Variants in HACD2 observed in about 807,000 individuals in gnomAD.
HACD2 encodes very-long-chain (3R)-3-hydroxyacyl-CoA dehydratase 2.
Under a neutral mutation model 31.0 loss-of-function variants are expected in HACD2, and 15 were observed. The observed-to-expected ratio is 0.48, with a 90% CI of 0.32 to 0.75. HACD2 has a LOEUF of 0.75. Ranked by LOEUF, HACD2 falls within the 30% of genes least tolerant of loss-of-function variation. The pLI is 0.03. For synonymous variants in HACD2, 115 were observed against 122.2 expected (o/e 0.94, Z 0.39); for missense variants, 283 against 313.0 (o/e 0.90, Z 0.72).
In HACD2 at chr3:123,552,332, G is replaced by A. The variant is rs534150276; in HGVS notation, c.292+15430C>T. 1.1e-4 allele frequency among the ~76,000 whole-genome samples: 17 copies of A among 152,222 alleles called. No homozygotes were observed. In the South Asian group the frequency reaches 3.3e-3, roughly 30 times the overall value. On this transcript the variant is annotated intron_variant, in intron 3 of 6. Transcript: ENST00000383657. ...TGGATAGGGAAAGAGAAAGAGGCAG[G>A]AGGAAATTTAGATTCCTGTAACACA...
intron 4 of HACD2, among the ~76,000 whole-genome samples, chr3:123,506,901 C>G (rs983153254): frequency 3.9e-5 from 6 of 152,118 alleles, no homozygotes; most frequent in Non-Finnish European, 8.8e-5. Context: ...ATAAGAAGTT[C>G]TACTCAGCTG....
chr3:123,497,783 G>A (rs1259104101), intron 6 of HACD2, among the ~76,000 whole-genome samples: 1 of 152,192 alleles, frequency 6.6e-6, no homozygotes, highest in East Asian at 1.9e-4. Flanking sequence ...AACTCCTGGG[G>A]TCAAGCCTCA....
At chr3:123,529,293 G>T (rs981416843) in intron 3 of HACD2, among the ~76,000 whole-genome samples, 1 of 152,102 alleles carries the variant, frequency 6.6e-6, no homozygotes, top group African/African-American at 2.4e-5. Flanking sequence ...GTAGAGATAG[G>T]GCTTCACCAT....
chr3:123,561,659 C>A (rs1355292254), intron 3 of HACD2, among the ~76,000 whole-genome samples: 1 of 152,094 alleles, frequency 6.6e-6, no homozygotes, highest in Non-Finnish European at 1.5e-5. Flanking sequence ...GCCCCCATGC[C>A]TCTTCCACAA....
At chr3:123,501,364 A>C (rs1190795263) in intron 5 of HACD2, among the ~76,000 whole-genome samples, 1 of 152,250 alleles carries the variant, frequency 6.6e-6, no homozygotes, top group Non-Finnish European at 1.5e-5. Flanking sequence ...CATATTCCAC[A>C]AAGAATTCAG....
intron 1 of HACD2, among the ~76,000 whole-genome samples, chr3:123,582,561 T>C (rs1319481776): frequency 1.3e-5 from 2 of 152,054 alleles, no homozygotes; most frequent in African/African-American, 2.4e-5. Flanking sequence ...ACCTCACCCA[T>C]CTGGAGCTCA....
rs375035568 is a variant in HACD2, at chr3:123,493,238, C to T, written c.*1650G>A. 2 of 152,314 alleles carry T rather than the reference C, an allele frequency of 1.3e-5. No homozygotes were observed. The allele number at this position is 152,314 out of a possible 1,614,324, so 9.4% of individuals were successfully genotyped here. On this transcript the variant is annotated 3_prime_UTR_variant, in exon 7 of 7. Coordinates refer to ENST00000383657, the MANE Select transcript of HACD2 (RefSeq NM_198402.5). ...GGGTGTGGTGGCAGGCACCTGTAGT[C>T]CCAGCTACTCAGGAGGCTGAGGCAG...
intron 3 of HACD2, among the ~76,000 whole-genome samples, chr3:123,562,623 T>G (rs6778883): frequency 0.078 from 11,840 of 152,286 alleles, 606 homozygotes; most frequent in Middle Eastern, 0.13. Flanking sequence ...GTGTTCTTCA[T>G]GCATTTTTCC....
intron 3 of HACD2, among the ~76,000 whole-genome samples, chr3:123,539,636 A>G (rs1024131412): frequency 2.6e-5 from 4 of 152,212 alleles, no homozygotes; most frequent in African/African-American, 7.2e-5. Context: ...GGTAAAAACA[A>G]TAATTTAAAA....
At chr3:123,545,751 G>A (rs981981161) in intron 3 of HACD2, among the ~76,000 whole-genome samples, 16 of 146,114 alleles carry the variant, frequency 1.1e-4, no homozygotes, top group African/African-American at 2.8e-4. Context: ...TCCCTTTGTC[G>A]CTCAGGCTGG....
intron 4 of HACD2, among the ~76,000 whole-genome samples, chr3:123,523,270 A>G (rs1322501490): frequency 6.6e-6 from 1 of 152,036 alleles, no homozygotes; most frequent in Admixed American, 6.6e-5. Flanking sequence ...GGGAAAGAGG[A>G]AGAAAGGAAA....
intron 2 of HACD2, among the ~76,000 whole-genome samples, chr3:123,574,881 A>AT (rs2056892297): frequency 6.6e-6 from 1 of 152,178 alleles, no homozygotes. Flanking sequence ...ACATCAGCAT[A>AT]TAACTATTCT....
At chr3:123,537,145 G>A (rs1420766095) in intron 3 of HACD2, among the ~76,000 whole-genome samples, 1 of 152,178 alleles carries the variant, frequency 6.6e-6, no homozygotes, top group African/African-American at 2.4e-5. Context: ...AGGAGTGAGG[G>A]AAGAGATACT....
Position 123,529,914 on chromosome 3 carries a change from T to A in HACD2, c.293-1440A>T, listed in dbSNP as rs529106655. 2.8e-4 allele frequency among the ~76,000 whole-genome samples: 41 copies of A among 148,478 alleles called. No individual in the cohort carries two copies. In the East Asian group the frequency reaches 4.5e-3, roughly 16 times the overall value. ...TGTGGATTTCCTCTAGAAACCAATT[T>A]AAAAAAAAAAATATATTGAAGATGG... On this transcript the variant is annotated intron_variant, in intron 3 of 6. Transcript: ENST00000383657.
At chr3:123,575,996 T>C (rs1489483329) in intron 2 of HACD2, among the ~76,000 whole-genome samples, 1 of 152,214 alleles carries the variant, frequency 6.6e-6, no homozygotes, top group Non-Finnish European at 1.5e-5. Context: ...GTCTTACTTT[T>C]TGAAAGCTTA....
intron 3 of HACD2, among the ~76,000 whole-genome samples, chr3:123,542,222 T>C (rs1377588577): frequency 1.5e-5 from 2 of 129,146 alleles, no homozygotes; most frequent in Non-Finnish European, 3.3e-5. Context: ...AATAGGCAAA[T>C]GAGCAAAGGG....
chr3:123,524,934 AAGC>A (rs1559910231), intron 4 of HACD2, among the ~76,000 whole-genome samples: 1 of 152,250 alleles, frequency 6.6e-6, no homozygotes, highest in African/African-American at 2.4e-5. Context: ...TGGAGACTAC[AAGC>A]TACCTATCTC....
At chr3:123,577,848 T>C (rs2056924150) in intron 2 of HACD2, among the ~76,000 whole-genome samples, 2 of 152,098 alleles carry the variant, frequency 1.3e-5, no homozygotes, top group Admixed American at 1.3e-4. Context: ...CACCCACAAC[T>C]CATTACAGAG....
chr3:123,515,707 T>C (rs2056125623), intron 4 of HACD2, among the ~76,000 whole-genome samples: 1 of 152,190 alleles, frequency 6.6e-6, no homozygotes. Flanking sequence ...TAGTAATAGA[T>C]ACACACATGG....
Sources: allele counts gnomAD v4.1 joint callset (sites outside exome capture counted in the v4.1 genomes callset), GRCh38; gene constraint gnomAD v4.1.1; transcripts MANE v1.5; gene names NCBI Gene and HGNC (gene_info 2026-07-23, HGNC 2026-07-21).